Variants in UNC13B observed in about 807,000 individuals in gnomAD.
The protein encoded by UNC13B is unc-13 homolog B.
Under a neutral mutation model 211.0 loss-of-function variants are expected in UNC13B, and 144 were observed. The observed-to-expected ratio is 0.68, with a 90% CI of 0.60 to 0.78. The LOEUF is 0.78. Ranked by LOEUF, UNC13B falls within the 30% of genes least tolerant of loss-of-function variation. The pLI is 0.00. For synonymous variants in UNC13B, 709 were observed against 725.8 expected (o/e 0.98, Z 0.37); for missense variants, 1,777 against 2,002.0 (o/e 0.89, Z 2.14).
At chr9:35,353,311 G>A in intron 11 of UNC13B, 1 of 1,232,228 alleles carries the variant, frequency 8.1e-7, no homozygotes. Context: ...GTTCTGCTCT[G>A]CAGGGTGTGT....
intron 1 of UNC13B, among the ~76,000 whole-genome samples, chr9:35,207,560 C>T (rs1823734467): frequency 6.6e-6 from 1 of 151,534 alleles, no homozygotes; most frequent in Non-Finnish European, 1.5e-5. Flanking sequence ...GTCACGAACT[C>T]CTGGGCCCAA....
Position 35,403,612 on chromosome 9 carries a change from G to A in UNC13B, c.12737+13G>A, listed in dbSNP as rs933269219. 2.5e-6 allele frequency: 4 copies of A among 1,604,052 alleles called. No individual in the cohort carries two copies. The African/African-American group carries it at 5.4e-5, about 22-fold the overall frequency. The stretch of plus-strand genomic sequence containing the variant: ...AGACATTCCACTTGTAAGTTACGGG[G>A]GGGACATACAGGACTCTGGGATGGG... On this transcript the variant is annotated intron_variant, in intron 39 of 39. Transcript: ENST00000635942.
chr9:35,211,418 TC>T (rs1297032314), intron 1 of UNC13B, among the ~76,000 whole-genome samples: 1 of 152,222 alleles, frequency 6.6e-6, no homozygotes, highest in Non-Finnish European at 1.5e-5. Context: ...TGGAAATTAT[TC>T]CATGTGGGTA....
At chr9:35,220,954 C>G (rs1824533654) in intron 1 of UNC13B, among the ~76,000 whole-genome samples, 2 of 152,170 alleles carry the variant, frequency 1.3e-5, no homozygotes, top group African/African-American at 4.8e-5. Flanking sequence ...GCCATTTTAA[C>G]TGGGGTGAGA....
At chr9:35,316,334 T>A (rs1288583937) in intron 11 of UNC13B, among the ~76,000 whole-genome samples, 1 of 152,244 alleles carries the variant, frequency 6.6e-6, no homozygotes, top group African/African-American at 2.4e-5. Flanking sequence ...ACATGAGTTA[T>A]AATCCATTAT....
chr9:35,378,215 C>T, intron 16 of UNC13B, 80 bp from the exon 17 acceptor site: 2 of 1,579,396 alleles, frequency 1.3e-6, no homozygotes, highest in Non-Finnish European at 1.7e-6. Context: ...ATAGACTGCT[C>T]TAAGATGGAA....
chr9:35,360,958 C>T (rs1564165048), intron 11 of UNC13B: 1 of 152,252 alleles, frequency 6.6e-6, no homozygotes, highest in South Asian at 2.1e-4. Flanking sequence ...GGATTATAGG[C>T]ATGAGCCACC....
intron 4 of UNC13B, 140 bp from the exon 5 acceptor site, chr9:35,237,563 G>A: frequency 9.9e-7 from 1 of 1,006,490 alleles, no homozygotes; most frequent in Non-Finnish European, 1.5e-6. Context: ...GGCAGGTGGT[G>A]ATAGTGGTGT....
chr9:35,208,088 G>C (rs951860763), intron 1 of UNC13B, among the ~76,000 whole-genome samples: 1 of 152,102 alleles, frequency 6.6e-6, no homozygotes, highest in Admixed American at 6.5e-5. Flanking sequence ...GTAGATAACT[G>C]TCATTTTTAA....
intron 1 of UNC13B, among the ~76,000 whole-genome samples, chr9:35,183,928 C>T (rs1379709313): frequency 9.7e-5 from 14 of 144,044 alleles, no homozygotes; most frequent in African/African-American, 1.6e-4. Flanking sequence ...GACGGGGTGG[C>T]GGCAGGGCAT....
At chr9:35,186,559 G>T (rs942250139) in intron 1 of UNC13B, among the ~76,000 whole-genome samples, 9 of 152,032 alleles carry the variant, frequency 5.9e-5, no homozygotes, top group African/African-American at 2.2e-4. Context: ...ATAGGCAAAA[G>T]AAAGAGAAAC....
chr9:35,382,214 T>C, intron 20 of UNC13B, 143 bp from the exon 21 acceptor site: 1 of 1,076,186 alleles, frequency 9.3e-7, no homozygotes, highest in Non-Finnish European at 1.3e-6. Context: ...CCTAGAGCTG[T>C]GTGCAGAAAG....
At chr9:35,282,268 C>G (rs1828539559) in intron 7 of UNC13B, among the ~76,000 whole-genome samples, 1 of 152,130 alleles carries the variant, frequency 6.6e-6, no homozygotes, top group Non-Finnish European at 1.5e-5. Context: ...AATCACAACC[C>G]CCTCTTCCCT....
chr9:35,402,282 C>CTT (rs1168729927), intron 37 of UNC13B, among the ~76,000 whole-genome samples: 30 of 136,852 alleles, frequency 2.2e-4, no homozygotes, highest in African/African-American at 5.2e-4. Context: ...TTCTTTTTTT[C>CTT]TTTTTTTTTT....
chr9:35,234,270 CA>C (rs1404630927), intron 3 of UNC13B, among the ~76,000 whole-genome samples: 2 of 152,008 alleles, frequency 1.3e-5, no homozygotes, highest in Non-Finnish European at 2.9e-5. Flanking sequence ...TGCATGCCAC[CA>C]TGTCTAGCTA....
intron 11 of UNC13B, among the ~76,000 whole-genome samples, chr9:35,324,493 A>G (rs1830902305): frequency 6.6e-6 from 1 of 152,226 alleles, no homozygotes; most frequent in Non-Finnish European, 1.5e-5. Context: ...TAGTTTTCCA[A>G]GGAATATACT....
intron 1 of UNC13B, among the ~76,000 whole-genome samples, chr9:35,201,135 C>T (rs1364200454): frequency 4.6e-5 from 7 of 152,074 alleles, no homozygotes; most frequent in South Asian, 4.1e-4. Context: ...TGATGGATTA[C>T]GTTTATTGAT....
chr9:35,172,127 C>T (rs180946052), intron 1 of UNC13B, among the ~76,000 whole-genome samples: 14 of 151,090 alleles, frequency 9.3e-5, no homozygotes, highest in African/African-American at 2.2e-4. Context: ...CTCCTGCCTC[C>T]GCCTCCCAAA....
chr9:35,311,778 C>T (rs1830191049), intron 10 of UNC13B, among the ~76,000 whole-genome samples: 1 of 152,068 alleles, frequency 6.6e-6, no homozygotes, highest in African/African-American at 2.4e-5. Flanking sequence ...CAGATTTAAC[C>T]CACCCCTCAG....
Sources: gnomAD v4.1 joint callset for allele counts (sites outside exome capture counted in the v4.1 genomes callset) on GRCh38, gnomAD v4.1.1 for gene constraint, MANE v1.5 for transcripts, NCBI Gene and HGNC (gene_info 2026-07-23, HGNC 2026-07-21) for gene names.